Variants in DNAH14 observed in about 807,000 individuals in gnomAD.
The protein encoded by DNAH14 is dynein axonemal heavy chain 14, also known as axonemal beta dynein heavy chain 14.
DNAH14 carries 478 observed loss-of-function variants against 520.9 expected under a neutral mutation model. That is an observed-to-expected ratio of 0.92 (90% CI 0.85 to 0.99). The LOEUF is 0.99. Ranked by LOEUF, DNAH14 falls within the 50% of genes least tolerant of loss-of-function variation. DNAH14 has a pLI of 0.00. For synonymous variants in DNAH14, 1,581 were observed against 1,757.2 expected, an observed-to-expected ratio of 0.90 and a Z score of 2.51; for missense variants, 4,831 against 5,234.5, an observed-to-expected ratio of 0.92 and a Z score of 2.38.
At chr1:225,037,683 GTGTT>G (rs34388997) in intron 11 of DNAH14, among the ~76,000 whole-genome samples, 120,693 of 151,624 alleles carry the variant, frequency 0.8, 51,450 homozygotes, top group Non-Finnish European at 0.96. Flanking sequence ...ATAATATTCT[GTGTT>G]TGTTTGTTTT....
At chr1:224,982,117 G>T (rs1296620866) in intron 8 of DNAH14, among the ~76,000 whole-genome samples, 1 of 152,026 alleles carries the variant, frequency 6.6e-6, no homozygotes, top group Non-Finnish European at 1.5e-5. Flanking sequence ...GCCCCCTACT[G>T]GTGTTTACTT....
intron 1 of DNAH14, among the ~76,000 whole-genome samples, chr1:224,944,248 A>G (rs2059634808): frequency 1.3e-5 from 2 of 152,172 alleles, no homozygotes; most frequent in South Asian, 4.1e-4. Context: ...ACCATTATGT[A>G]ATGGCCTTCT....
intron 3 of DNAH14, among the ~76,000 whole-genome samples, chr1:224,957,826 A>G (rs949944300): frequency 2.0e-5 from 3 of 152,182 alleles, no homozygotes; most frequent in Non-Finnish European, 4.4e-5. Context: ...ATGAGGAAAT[A>G]GAGTTAGTGA....
intron 11 of DNAH14, among the ~76,000 whole-genome samples, chr1:225,028,634 A>T (rs1447930567): frequency 6.6e-6 from 1 of 152,094 alleles, no homozygotes; most frequent in Admixed American, 6.6e-5. Context: ...TAATTTTAAA[A>T]TGGGTGAAAG....
At chr1:225,335,227 A>G (rs1324413269) in intron 66 of DNAH14, among the ~76,000 whole-genome samples, 1 of 135,186 alleles carries the variant, frequency 7.4e-6, no homozygotes, top group Non-Finnish European at 1.7e-5. Context: ...ATATATGCAC[A>G]TATACACATG....
chr1:225,172,208 A>G (rs940766634), intron 36 of DNAH14, among the ~76,000 whole-genome samples: 2 of 152,200 alleles, frequency 1.3e-5, no homozygotes, highest in African/African-American at 4.8e-5. Context: ...GGCACAAGAC[A>G]GGGATGCCCT....
At chr1:225,307,695 T>A in intron 59 of DNAH14, 126 bp downstream of exon 59, 1 of 637,112 alleles carries the variant, frequency 1.6e-6, no homozygotes, top group Non-Finnish European at 2.4e-6. Context: ...TATAGTTGTG[T>A]ACACATGAAA....
At chr1:225,190,323 C>T (rs1238477071) in intron 37 of DNAH14, among the ~76,000 whole-genome samples, 1 of 151,950 alleles carries the variant, frequency 6.6e-6, no homozygotes, top group Non-Finnish European at 1.5e-5. Context: ...ATTCACCCTT[C>T]TTCTTGTGTA....
chr1:225,366,330 C>A (rs1209606778), intron 76 of DNAH14, among the ~76,000 whole-genome samples: 3 of 152,122 alleles, frequency 2.0e-5, no homozygotes, highest in African/African-American at 7.2e-5. Context: ...TAGGAAAAGG[C>A]CAAATAAATT....
At chr1:225,107,786 A>G (rs1443066154) in intron 23 of DNAH14, among the ~76,000 whole-genome samples, 1 of 152,154 alleles carries the variant, frequency 6.6e-6, no homozygotes, top group Non-Finnish European at 1.5e-5. Flanking sequence ...CCTTTTCTCC[A>G]TATCCTTGCC....
chr1:225,267,372 C>T (rs562340482), intron 49 of DNAH14, among the ~76,000 whole-genome samples: 1 of 150,074 alleles, frequency 6.7e-6, no homozygotes, highest in East Asian at 2.0e-4. Flanking sequence ...CGGCTCACTG[C>T]AAACTCCGCC....
At chr1:225,002,618 A>T (rs2063849985) in intron 8 of DNAH14, among the ~76,000 whole-genome samples, 165 bp from the exon 9 acceptor site, 1 of 152,104 alleles carries the variant, frequency 6.6e-6, no homozygotes, top group South Asian at 2.1e-4. Context: ...CAACATTATC[A>T]TCCAAACACA....
At position 225,272,085 on chromosome 1, in the gene DNAH14, T is replaced by C; in HGVS notation, c.7839+12T>C. 1 of 1,542,298 alleles carries C rather than the reference T, an allele frequency of 6.5e-7. No homozygotes were observed. The highest frequency in any genetic ancestry group is 8.8e-7 in the Non-Finnish European group (1 of 1,142,774). On this transcript the variant is annotated intron_variant, in intron 51 of 85. Transcript: ENST00000682510. ...GAGATATGTTTAAGGTTTGTTTTAA[T>C]GTTCATTCTCTAGTTTATTTTTTAA...
chr1:225,282,075 C>T (rs371390138), intron 54 of DNAH14, among the ~76,000 whole-genome samples: 15 of 152,256 alleles, frequency 9.9e-5, no homozygotes, highest in South Asian at 8.3e-4. Flanking sequence ...AAGATGTACA[C>T]GCTAAATATA....
chr1:225,156,827 G>A (rs1457215189), intron 34 of DNAH14, among the ~76,000 whole-genome samples: 1 of 117,174 alleles, frequency 8.5e-6, no homozygotes, highest in East Asian at 3.5e-4. Flanking sequence ...CCATTCTCCT[G>A]CCTCAGCCTC....
In DNAH14 at chr1:224,955,105, A is replaced by G. The variant is rs1361648006; in HGVS notation, c.217+7A>G. Reference sequence around the variant, plus strand: ...AAGTCAGAGAAAACAGAAGGTATTTATCAAGATTACTATTCTGGCATGTTG... The same window carrying G: ...AAGTCAGAGAAAACAGAAGGTATTTGTCAAGATTACTATTCTGGCATGTTG... On this transcript the variant is annotated splice_region_variant and intron_variant, in intron 3 of 85. Coordinates refer to ENST00000682510, the MANE Select transcript of DNAH14 (RefSeq NM_001367479.1). 1.2e-6 allele frequency: 2 copies of G among 1,606,760 alleles called. No individual in the cohort carries two copies. Among genetic ancestry groups the G allele is most frequent in the Non-Finnish European group, 1.7e-6 (2 of 1,177,130 alleles).
chr1:225,263,831 A>G (rs1425355113), intron 46 of DNAH14, among the ~76,000 whole-genome samples: 2 of 152,134 alleles, frequency 1.3e-5, no homozygotes, highest in Non-Finnish European at 2.9e-5. Flanking sequence ...ACATGAGAAA[A>G]ACAAACACCT....
At chr1:225,103,515 C>T (rs28802294) in intron 23 of DNAH14, among the ~76,000 whole-genome samples, 19,536 of 151,936 alleles carry the variant, frequency 0.13, 3,861 homozygotes, top group African/African-American at 0.43. Flanking sequence ...ATTCTTTCTA[C>T]CCATGAGCAT....
chr1:225,335,983 A>G (rs1344423368), intron 66 of DNAH14, among the ~76,000 whole-genome samples: 6 of 141,788 alleles, frequency 4.2e-5, no homozygotes, highest in South Asian at 4.5e-4. Flanking sequence ...ACATATGTGT[A>G]TATACACACA....
Sources: gnomAD v4.1 joint callset for allele counts (sites outside exome capture counted in the v4.1 genomes callset) on GRCh38, gnomAD v4.1.1 for gene constraint, MANE v1.5 for transcripts, NCBI Gene and HGNC (gene_info 2026-07-23, HGNC 2026-07-21) for gene names.